The following FOXK2 variants were observed in gnomAD, a reference collection of about 807,000 sequenced individuals.
FOXK2 encodes forkhead box K2, also known as forkhead box protein K2.
A neutral mutation model predicts 53.3 loss-of-function variants in FOXK2; 24 were observed. That is an observed-to-expected ratio of 0.45 (90% CI 0.33 to 0.63). The LOEUF (loss-of-function observed/expected upper bound fraction) is 0.63, where lower values mean the gene tolerates loss of function less well. FOXK2 is among the 30% of genes least tolerant of loss of function. The probability of loss-of-function intolerance (pLI) is 0.03; values close to 1 mark genes in which losing one functional copy is unlikely to be tolerated. For synonymous variants in FOXK2, 505 were observed against 407.1 expected (o/e 1.24, Z -2.89); for missense variants, 952 against 910.5 (o/e 1.05, Z -0.59).
At position 82,595,449 on chromosome 17, in the gene FOXK2, G is replaced by A. The variant is rs188386324; in HGVS notation, c.1787-5854G>A. Among the ~76,000 whole-genome samples, 1,432 of 152,242 alleles carry A rather than the reference G, an allele frequency of 9.4e-3. 87 individuals carry two copies. The highest frequency in any genetic ancestry group is 0.087 in the Admixed American group (1,323 of 15,284). On this transcript the variant is annotated intron_variant, in intron 8 of 8. Coordinates refer to ENST00000335255, the MANE Select transcript of FOXK2 (RefSeq NM_004514.4). Reference sequence around the variant, plus strand: ...CCTGAGTAGCCAGGACTACAGGCACGTACAAACATGTCCAGCTAATATTTT... The same window carrying A: ...CCTGAGTAGCCAGGACTACAGGCACATACAAACATGTCCAGCTAATATTTT...
At chr17:82,589,296 C>T (rs2045230152) in intron 8 of FOXK2, among the ~76,000 whole-genome samples, 1 of 152,160 alleles carries the variant, frequency 6.6e-6, no homozygotes, top group Non-Finnish European at 1.5e-5. Flanking sequence ...TTGTCTGTGG[C>T]CTGGTCTTTC....
At chr17:82,569,957 C>T (rs899590571) in intron 3 of FOXK2, among the ~76,000 whole-genome samples, 1 of 148,936 alleles carries the variant, frequency 6.7e-6, no homozygotes, top group Admixed American at 6.7e-5. Flanking sequence ...CGCAGTGGCT[C>T]ACGCCTGTAA....
At chr17:82,544,950 G>A (rs942747432) in intron 1 of FOXK2, among the ~76,000 whole-genome samples, 12 of 151,660 alleles carry the variant, frequency 7.9e-5, no homozygotes, top group African/African-American at 1.5e-4. Flanking sequence ...CTGCGTTTAC[G>A]GAGATGGAAA....
At chr17:82,575,880 G>A (rs1481374736) in intron 4 of FOXK2, among the ~76,000 whole-genome samples, 4 of 152,192 alleles carry the variant, frequency 2.6e-5, no homozygotes, top group Non-Finnish European at 2.9e-5. Context: ...CTGGGACAGA[G>A]GGTGGCGGCG....
At position 82,588,814 on chromosome 17, in the gene FOXK2, G is replaced by T. The variant is rs142866056; in HGVS notation, c.1786+1542G>T. On this transcript the variant is annotated intron_variant, in intron 8 of 8. Coordinates refer to ENST00000335255, the MANE Select transcript of FOXK2 (RefSeq NM_004514.4). ...GCCTGTAATCCCAGCACTTTGGGAGGTCGAGGTGGGTGGATCACGAGGTCA... is the reference window on the plus strand; with the variant it reads ...GCCTGTAATCCCAGCACTTTGGGAGTTCGAGGTGGGTGGATCACGAGGTCA... Among the ~76,000 whole-genome samples, 1,100 of 151,518 alleles carry T rather than the reference G, an allele frequency of 7.3e-3. 11 individuals are homozygous for T. Among genetic ancestry groups the T allele is most frequent in the African/African-American group, 0.025 (1,022 of 41,264 alleles).
At chr17:82,583,894 A>AT (rs1466773961) in intron 5 of FOXK2, 119 bp from the exon 6 acceptor site, 6 of 1,021,668 alleles carry the variant, frequency 5.9e-6, no homozygotes, top group Non-Finnish European at 7.0e-6. Context: ...CTTACACAAC[A>AT]GTACTTGGTT....
At position 82,575,646 on chromosome 17, in the gene FOXK2, A is replaced by G. The variant is rs532755611; in HGVS notation, c.909+3776A>G. Among the ~76,000 whole-genome samples, 34 of 152,340 alleles carry G rather than the reference A, an allele frequency of 2.2e-4. No homozygotes were observed. The South Asian group carries it at 6.6e-3, about 30-fold the overall frequency. On this transcript the variant is annotated intron_variant, in intron 4 of 8. Transcript: ENST00000335255. ...CACAAGGACTGCAAATGTTAAGACT[A>G]GGAGTGGCTTTTCACGTGGAACTTT...
At chr17:82,595,183 G>A (rs8074559) in intron 8 of FOXK2, among the ~76,000 whole-genome samples, 127,170 of 152,216 alleles carry the variant, frequency 0.84, 53,328 homozygotes, top group Admixed American at 0.87. Context: ...TAATTTGCTT[G>A]TTTCTCTAAG....
chr17:82,599,000 C>T (rs974876195), intron 8 of FOXK2: 1 of 152,222 alleles, frequency 6.6e-6, no homozygotes, highest in Admixed American at 6.5e-5. Context: ...TCCCCTAGGT[C>T]TGGAGTCTCC....
chr17:82,562,060 G>A (rs2044801559), intron 1 of FOXK2, among the ~76,000 whole-genome samples: 1 of 152,230 alleles, frequency 6.6e-6, no homozygotes, highest in South Asian at 2.1e-4. Flanking sequence ...GGTTCGTGGT[G>A]GGGACTTAGA....
intron 1 of FOXK2, among the ~76,000 whole-genome samples, chr17:82,522,383 T>C (rs1567961606): frequency 1.3e-5 from 2 of 151,152 alleles, no homozygotes; most frequent in African/African-American, 2.4e-5. Context: ...TTTTTTTTTT[T>C]CCTGAGACGG....
At chr17:82,572,697 T>TTA (rs1322626293) in intron 4 of FOXK2, among the ~76,000 whole-genome samples, 2 of 152,202 alleles carry the variant, frequency 1.3e-5, no homozygotes, top group Non-Finnish European at 2.9e-5. Context: ...GTATGTATGC[T>TTA]TATAGTTTTT....
rs569390298 is a variant in FOXK2 at position 82,587,229 on chromosome 17, C to A, written c.1743C>A (p.His581Gln). Reference sequence around the variant, plus strand: ...AAACTGTAACACAAAACGGCACTCACGTGGCATCAGTCCCCACTGCGGTCC... The same window carrying A: ...AAACTGTAACACAAAACGGCACTCAAGTGGCATCAGTCCCCACTGCGGTCC... The part of the protein sequence containing the change: ...PIKTVTQNGT[H>Q]VASVPTAVHG... The change falls in exon 8 of 9, where the codon CAC becomes CAA. Residue 581 changes from histidine (H) to glutamine (Q), a missense_variant. Physicochemically the swap from His to Gln is conservative, Grantham distance 24 (BLOSUM62 0). Around this residue, in one of 5 missense-constraint regions of FOXK2, gnomAD observed 551 missense variants for 385.1 expected, o/e 1.43. Coordinates refer to ENST00000335255, the MANE Select transcript of FOXK2 (RefSeq NM_004514.4). The A allele has an allele frequency of 4.3e-6, 7 of 1,613,070 alleles. No homozygotes were observed. Among genetic ancestry groups the A allele is most frequent in the East Asian group, 2.2e-5 (1 of 44,892 alleles).
rs1301630622 is a variant in FOXK2, at chr17:82,604,158, T to A, written c.*2659T>A. Reference sequence around the variant, plus strand: ...GCTTTTCAGGAAGTCTGCTGTGACCTTTGCCCAACTTCTGAGCTCCTCAGG... The same window carrying A: ...GCTTTTCAGGAAGTCTGCTGTGACCATTGCCCAACTTCTGAGCTCCTCAGG... On this transcript the variant is annotated 3_prime_UTR_variant, in exon 9 of 9. Coordinates refer to ENST00000335255, the MANE Select transcript of FOXK2 (RefSeq NM_004514.4). 6.6e-6 allele frequency: 1 copy of A among 152,294 alleles called. No individual in the cohort carries two copies. The highest frequency in any genetic ancestry group is 1.5e-5 in the Non-Finnish European group (1 of 68,084). The allele number at this position is 152,294 out of a possible 1,614,324, so 9.4% of individuals were successfully genotyped here. A position where few individuals can be genotyped will look rare whatever the true frequency, so the allele number is the denominator to read the frequency against.
At chr17:82,529,886 C>T (rs2044456817) in intron 1 of FOXK2, among the ~76,000 whole-genome samples, 1 of 152,124 alleles carries the variant, frequency 6.6e-6, no homozygotes, top group Non-Finnish European at 1.5e-5. Flanking sequence ...TTCTCTTAGT[C>T]GTATTTATTG....
At chr17:82,543,206 T>C (rs1229583505) in intron 1 of FOXK2, among the ~76,000 whole-genome samples, 1 of 152,218 alleles carries the variant, frequency 6.6e-6, no homozygotes, top group Non-Finnish European at 1.5e-5. Context: ...GCTTAGTAAA[T>C]AAAACTGGAC....
At position 82,598,191 on chromosome 17, in the gene FOXK2, G is replaced by A. The variant is rs553814266; in HGVS notation, c.1787-3112G>A. 3.2e-4 allele frequency among the ~76,000 whole-genome samples: 48 copies of A among 152,280 alleles called. No individual in the cohort carries two copies. In the South Asian group the frequency reaches 8.9e-3, roughly 28 times the overall value. On this transcript the variant is annotated intron_variant, in intron 8 of 8. Coordinates refer to ENST00000335255, the MANE Select transcript of FOXK2 (RefSeq NM_004514.4). Reference sequence around the variant, plus strand: ...AACTTATTCCTTCTGTCTAGCTGTCGTTTCTAGTTTTACGTCTTTTTAAAA... The same window carrying A: ...AACTTATTCCTTCTGTCTAGCTGTCATTTCTAGTTTTACGTCTTTTTAAAA...
intron 1 of FOXK2, among the ~76,000 whole-genome samples, chr17:82,524,725 C>T (rs1021442010): frequency 2.0e-5 from 3 of 152,154 alleles, no homozygotes; most frequent in Admixed American, 6.6e-5. Context: ...TGACCTGAGG[C>T]GCAGGTGTTC....
rs1383905791 is a variant in FOXK2, at chr17:82,584,093, G to A, written c.1184G>A (p.Arg395Lys). 6.2e-7 allele frequency: 1 copy of A among 1,611,534 alleles called. No homozygotes were observed. Among genetic ancestry groups the A allele is most frequent in the Non-Finnish European group, 8.5e-7 (1 of 1,179,924 alleles). Residue 395 changes from arginine to lysine, a missense_variant, in exon 6 of 9, where the codon AGG becomes AAG. Around this residue, in one of 5 missense-constraint regions of FOXK2, gnomAD observed 551 missense variants for 385.1 expected, o/e 1.43. Transcript: ENST00000335255. ...GCCCAGACCCCTGAGAGCCTGTCGA[G>A]GGAAGGTTCGCCGGCCCCCCTGGAG... ...SGAQTPESLS[R>K]EGSPAPLEPE... is the part of the protein sequence containing the mutation.
Sources: allele counts gnomAD v4.1 joint callset (sites outside exome capture counted in the v4.1 genomes callset), GRCh38; gene constraint gnomAD v4.1.1; regional missense constraint gnomAD v4.1.1; transcripts MANE v1.5; gene names NCBI Gene and HGNC (gene_info 2026-07-23, HGNC 2026-07-21).